MAPKBP1: variants seen among roughly 807,000 people sequenced by gnomAD.
The protein encoded by MAPKBP1 is mitogen-activated protein kinase-binding protein 1.
MAPKBP1 carries 71 observed loss-of-function variants against 170.5 expected under a neutral mutation model. That is an observed-to-expected ratio of 0.42 (90% CI 0.34 to 0.51). The LOEUF (loss-of-function observed/expected upper bound fraction) is 0.51. MAPKBP1 is among the 20% of genes least tolerant of loss of function. The pLI is 0.06. For missense variants in MAPKBP1, 1,598 were observed against 1,933.0 expected (o/e 0.83, Z 3.25); for synonymous variants, 719 against 757.9 (o/e 0.95, Z 0.84).
intron 21 of MAPKBP1, 38 bp from the exon 22 acceptor site, chr15:41,819,557 G>GGGGGGCCGGGGCCGCCCCCCCCC: frequency 7.2e-7 from 1 of 1,384,690 alleles, no homozygotes; most frequent in Non-Finnish European, 1.0e-6. Flanking sequence ...CGGGGGGGGG[G>GGGGGGCCGGGGCCGCCCCCCCCC]CAGGAGACAC....
chr15:41,786,408 T>C (rs2064288005), intron 2 of MAPKBP1, among the ~76,000 whole-genome samples: 2 of 152,146 alleles, frequency 1.3e-5, no homozygotes, highest in Non-Finnish European at 2.9e-5. Context: ...TCTAAGATGT[T>C]TAAAATTTAA....
intron 2 of MAPKBP1, among the ~76,000 whole-genome samples, chr15:41,794,543 C>T (rs1213359032): frequency 2.0e-5 from 3 of 152,128 alleles, no homozygotes; most frequent in Admixed American, 2.0e-4. Context: ...TTCTGCTTGT[C>T]CTCGGTCGGT....
At chr15:41,788,224 G>A (rs978612519) in intron 2 of MAPKBP1, among the ~76,000 whole-genome samples, 2 of 152,164 alleles carry the variant, frequency 1.3e-5, no homozygotes, top group African/African-American at 4.8e-5. Context: ...CCAGAGTGCT[G>A]GGATTACAGG....
Position 41,811,499 on chromosome 15 carries a change from G to A in MAPKBP1, c.327+264G>A, listed in dbSNP as rs2064805499. ...GGATGGGAGTCTGAAATGTGCATTT[G>A]TAACAAGTTCCCAGAGAGTGCTGAT... On this transcript the variant is annotated intron_variant, in intron 5 of 30. Coordinates refer to ENST00000457542, the MANE Select transcript of MAPKBP1 (RefSeq NM_014994.3). The A allele has an allele frequency of 2.9e-6, 2 of 682,304 alleles. 1 individual carries two copies. The highest frequency in any genetic ancestry group is 3.0e-5 in the South Asian group (2 of 66,566). The allele number at this position is 682,304 out of a possible 1,614,324, so 42.3% of individuals were successfully genotyped here. A position where few individuals can be genotyped will look rare whatever the true frequency, so the allele number is the denominator to read the frequency against.
intron 30 of MAPKBP1, 48 bp downstream of exon 30, chr15:41,824,617 C>T: frequency 3.3e-6 from 5 of 1,506,988 alleles, no homozygotes; most frequent in Non-Finnish European, 4.5e-6. Context: ...GTCAGTAGTG[C>T]TGGGTGTTTC....
chr15:41,813,345 A>G, intron 8 of MAPKBP1: 2 of 1,527,722 alleles, frequency 1.3e-6, no homozygotes, highest in Non-Finnish European at 1.8e-6. Context: ...AGACAGCTTC[A>G]CAGTAAGTGG....
chr15:41,821,215 G>A (rs1024717069), intron 23 of MAPKBP1, 147 bp downstream of exon 23: 1 of 784,890 alleles, frequency 1.3e-6, no homozygotes, highest in African/African-American at 1.7e-5. Context: ...CCAGGATGGG[G>A]GTGGCTGGGC....
intron 3 of MAPKBP1, among the ~76,000 whole-genome samples, 196 bp downstream of exon 3, chr15:41,800,110 G>A (rs1596076994): frequency 6.6e-6 from 1 of 152,136 alleles, no homozygotes. Flanking sequence ...ATCCTGTGCT[G>A]CTTTTCAGTT....
intron 2 of MAPKBP1, among the ~76,000 whole-genome samples, chr15:41,793,432 C>A (rs1376508822): frequency 6.6e-6 from 1 of 152,054 alleles, no homozygotes; most frequent in Non-Finnish European, 1.5e-5. Context: ...AAGATTGTGC[C>A]ACTGCACTCC....
intron 2 of MAPKBP1, among the ~76,000 whole-genome samples, chr15:41,796,863 T>A (rs186676857): frequency 2.0e-3 from 300 of 152,226 alleles, no homozygotes; most frequent in Non-Finnish European, 3.9e-3. Flanking sequence ...TCCAGCCCAT[T>A]TGTAGGTCAT....
At chr15:41,799,472 A>C (rs997942583) in intron 2 of MAPKBP1, among the ~76,000 whole-genome samples, 1 of 152,140 alleles carries the variant, frequency 6.6e-6, no homozygotes, top group African/African-American at 2.4e-5. Flanking sequence ...CAGACCCAAG[A>C]GTCTAGTCTG....
rs973402266 is a variant in MAPKBP1 at position 41,827,709 on chromosome 15, G to A, written c.*2273G>A. 10 of 159,960 alleles carry A rather than the reference G, an allele frequency of 6.3e-5. No individual in the cohort carries two copies. The highest frequency in any genetic ancestry group is 1.2e-4 in the Non-Finnish European group (9 of 73,212). The allele number at this position is 159,960 out of a possible 1,614,324, so 9.9% of individuals were successfully genotyped here. On this transcript the variant is annotated 3_prime_UTR_variant, in exon 31 of 31. Coordinates refer to ENST00000457542, the MANE Select transcript of MAPKBP1 (RefSeq NM_014994.3). ...TCCAGATTTGCCCCCGCCTTGTTTT[G>A]AAAGCCCCTTATTTATAACTTTTAT...
chr15:41,812,477 G>C, intron 6 of MAPKBP1, 39 bp from the exon 7 acceptor site: 1 of 1,613,444 alleles, frequency 6.2e-7, no homozygotes, highest in Non-Finnish European at 8.5e-7. Flanking sequence ...TTAGCTCCAA[G>C]AGACAGAGCC....
intron 2 of MAPKBP1, among the ~76,000 whole-genome samples, chr15:41,788,069 T>G (rs1209670938): frequency 6.6e-6 from 1 of 151,860 alleles, no homozygotes; most frequent in Non-Finnish European, 1.5e-5. Context: ...GCAATTCTTT[T>G]GCCTCAGCCT....
chr15:41,814,815 C>A (rs1567150279), intron 10 of MAPKBP1, 76 bp downstream of exon 10: 2 of 1,522,726 alleles, frequency 1.3e-6, no homozygotes, highest in South Asian at 1.2e-5. Flanking sequence ...AAATAGGGAT[C>A]CCCAAGTATA....
chr15:41,802,700 A>G (rs1156831526), intron 3 of MAPKBP1, among the ~76,000 whole-genome samples: 1 of 152,124 alleles, frequency 6.6e-6, no homozygotes, highest in African/African-American at 2.4e-5. Context: ...TCTTGAACTA[A>G]TGACCTCAAG....
chr15:41,798,119 G>C (rs1203681448), intron 2 of MAPKBP1, among the ~76,000 whole-genome samples: 1 of 150,846 alleles, frequency 6.6e-6, no homozygotes, highest in Non-Finnish European at 1.5e-5. Context: ...GTGTGGTGGC[G>C]GGTGCCTGTA....
Position 41,775,491 on chromosome 15 carries a change from G to C in MAPKBP1, c.114+102G>C, listed in dbSNP as rs937038124. ...TTGGGAAAGATAACTAGAAGCCCTTGTTGACTCTAAAGGATCACATATGAT... is the reference window on the plus strand; with the variant it reads ...TTGGGAAAGATAACTAGAAGCCCTTCTTGACTCTAAAGGATCACATATGAT... On this transcript the variant is annotated intron_variant, in intron 2 of 30. Coordinates refer to ENST00000457542, the MANE Select transcript of MAPKBP1 (RefSeq NM_014994.3). 7 of 855,124 alleles carry C rather than the reference G, an allele frequency of 8.2e-6. No individual in the cohort carries two copies. In the East Asian group the frequency reaches 1.8e-4, roughly 22 times the overall value. The allele number at this position is 855,124 out of a possible 1,614,324, so 53.0% of individuals were successfully genotyped here. A position where few individuals can be genotyped will look rare whatever the true frequency, so the allele number is the denominator to read the frequency against.
chr15:41,821,738 C>T lies in MAPKBP1; in HGVS notation c.2873C>T (p.Thr958Ile). The T allele has an allele frequency of 6.2e-7, 1 of 1,613,896 alleles. No homozygotes were observed. The highest frequency in any genetic ancestry group is 8.5e-7 in the Non-Finnish European group (1 of 1,180,002). Reference sequence around the variant, plus strand: ...TACCCGGAGCCGAGTGACAACCCCACCATGGATACCAGGCAAGGATCCTGC... The same window carrying T: ...TACCCGGAGCCGAGTGACAACCCCATCATGGATACCAGGCAAGGATCCTGC... ...IVYPEPSDNP[T>I]MDTSEFQVQA... The change falls in exon 24 of 31, where the codon ACC becomes ATC. Residue 958 changes from threonine (T) to isoleucine (I), a missense_variant. Physicochemically the swap from Thr to Ile is moderately conservative, Grantham distance 89 (BLOSUM62 -1). Coordinates refer to ENST00000457542, the MANE Select transcript of MAPKBP1 (RefSeq NM_014994.3).
Sources: gnomAD v4.1 joint callset for allele counts (sites outside exome capture counted in the v4.1 genomes callset) on GRCh38, gnomAD v4.1.1 for gene constraint, MANE v1.5 for transcripts, NCBI Gene and HGNC (gene_info 2026-07-23, HGNC 2026-07-21) for gene names.